AGFG1: variants seen among roughly 807,000 people sequenced by gnomAD.
The protein encoded by AGFG1 is ArfGAP with FG repeats 1, also known as arf-GAP domain and FG repeat-containing protein 1.
A neutral mutation model predicts 60.6 loss-of-function variants in AGFG1; 10 were observed. The ratio of observed to expected loss-of-function variants is 0.16; its 90% CI spans 0.10 to 0.28. The LOEUF (loss-of-function observed/expected upper bound fraction) is 0.28. AGFG1 is among the 10% of genes least tolerant of loss of function. AGFG1 has a pLI of 1.00. For synonymous variants in AGFG1, 247 were observed against 242.9 expected (o/e 1.02, Z -0.16); for missense variants, 537 against 676.5 (o/e 0.79, Z 2.29).
chr2:227,533,481 C>A (rs371821700), intron 6 of AGFG1, 68 bp from the exon 7 acceptor site: 2 of 1,310,724 alleles, frequency 1.5e-6, no homozygotes, highest in Non-Finnish European at 2.2e-6. Flanking sequence ...AAGAAATGAT[C>A]ATACAGTCTA....
rs1209222800 is a variant in AGFG1, at chr2:227,533,686, A to T, written c.952A>T (p.Lys318Ter). 1 of 1,613,772 alleles carries T rather than the reference A, an allele frequency of 6.2e-7. No homozygotes were observed. Among genetic ancestry groups the T allele is most frequent in the Admixed American group, 1.7e-5 (1 of 59,952 alleles). The change falls in exon 7 of 13, where the codon AAA (lysine) becomes TAA (stop). Residue 318 changes from lysine (K) to a stop codon, truncating the protein, a stop_gained. Coordinates refer to ENST00000310078, the MANE Select transcript of AGFG1 (RefSeq NM_004504.5). LOFTEE classifies it high-confidence loss of function. Reference protein sequence around the residue: ...ASAVSKVSTNKAGLQTADKYA... With the variant: ...ASAVSKVSTN The stretch of plus-strand genomic sequence containing the variant: ...AGCTGTTAGTAAAGTTTCAACGAAC[A>T]AAGCTGGTTTACAGACTGCAGACAA...
chr2:227,500,877 C>T (rs1015191467), intron 2 of AGFG1, among the ~76,000 whole-genome samples: 1 of 152,034 alleles, frequency 6.6e-6, no homozygotes, highest in East Asian at 1.9e-4. Context: ...ACTGCAACCA[C>T]TGCCTCCCAG....
At chr2:227,472,872 G>C (rs62189452) in intron 1 of AGFG1, among the ~76,000 whole-genome samples, 7,022 of 151,794 alleles carry the variant, frequency 0.046, 254 homozygotes, top group Middle Eastern at 0.11. Context: ...GGGTCAGGGA[G>C]GGGGCGACCG....
chr2:227,489,234 T>G (rs964432624), intron 1 of AGFG1, among the ~76,000 whole-genome samples: 3 of 142,148 alleles, frequency 2.1e-5, no homozygotes, highest in South Asian at 4.7e-4. Flanking sequence ...TTTTTTTTTT[T>G]TTTTTTTTTT....
intron 10 of AGFG1, 100 bp from the exon 11 acceptor site, chr2:227,551,859 G>A (rs1393151866): frequency 2.8e-6 from 4 of 1,411,866 alleles, no homozygotes; most frequent in Non-Finnish European, 3.9e-6. Context: ...GTACATCTTA[G>A]TATTTTTCAA....
chr2:227,515,454 GA>G (rs1296055419), intron 2 of AGFG1, among the ~76,000 whole-genome samples: 1 of 151,992 alleles, frequency 6.6e-6, no homozygotes, highest in Non-Finnish European at 1.5e-5. Context: ...TCTAATACTG[GA>G]GCCAACAATT....
At chr2:227,497,761 T>TTG (rs546987888) in intron 2 of AGFG1, among the ~76,000 whole-genome samples, 7 of 65,208 alleles carry the variant, frequency 1.1e-4, no homozygotes, top group South Asian at 1.1e-3. Flanking sequence ...TTTTTTTTTT[T>TTG]GGGGACGGAG....
intron 1 of AGFG1, among the ~76,000 whole-genome samples, chr2:227,484,089 A>G (rs949547528): frequency 6.6e-6 from 1 of 152,110 alleles, no homozygotes; most frequent in Non-Finnish European, 1.5e-5. Context: ...TATGGTCACA[A>G]TTGAAATTGT....
At chr2:227,476,647 GA>G (rs1291087573) in intron 1 of AGFG1, among the ~76,000 whole-genome samples, 1 of 152,076 alleles carries the variant, frequency 6.6e-6, no homozygotes, top group African/African-American at 2.4e-5. Flanking sequence ...AATGTTACAA[GA>G]ATTTTAATTT....
chr2:227,545,267 G>A (rs1344838273), intron 10 of AGFG1, among the ~76,000 whole-genome samples: 2 of 152,160 alleles, frequency 1.3e-5, no homozygotes, highest in African/African-American at 4.8e-5. Flanking sequence ...TGAAGCTTGT[G>A]TATGCTTCAC....
chr2:227,557,713 A>T lies in AGFG1; in HGVS notation c.*3218A>T, dbSNP rs1392408027. ...GAACAGGAACATTGTTTTACATTTTATGCATTTAAATCTGGCTTAATAAAA... is the reference window on the plus strand; with the variant it reads ...GAACAGGAACATTGTTTTACATTTTTTGCATTTAAATCTGGCTTAATAAAA... On this transcript the variant is annotated 3_prime_UTR_variant, in exon 13 of 13. Coordinates refer to ENST00000310078, the MANE Select transcript of AGFG1 (RefSeq NM_004504.5). The T allele has an allele frequency of 1.3e-5, 2 of 152,248 alleles. No homozygotes were observed. The highest frequency in any genetic ancestry group is 4.8e-5 in the African/African-American group (2 of 41,474). The allele number at this position is 152,248 out of a possible 1,614,324, so 9.4% of individuals were successfully genotyped here.
chr2:227,550,307 A>G (rs1692781910), intron 10 of AGFG1, among the ~76,000 whole-genome samples: 1 of 152,228 alleles, frequency 6.6e-6, no homozygotes, highest in African/African-American at 2.4e-5. Flanking sequence ...TTATGTGTAA[A>G]TGCTGAAAAG....
At chr2:227,501,569 TTCC>T (rs908547639) in intron 2 of AGFG1, among the ~76,000 whole-genome samples, 1 of 152,168 alleles carries the variant, frequency 6.6e-6, no homozygotes, top group African/African-American at 2.4e-5. Context: ...TGGACACTTC[TTCC>T]TATTCAGTCC....
Position 227,554,573 on chromosome 2 carries a change from T to C in AGFG1, c.*78T>C. 2 of 1,221,784 alleles carry C rather than the reference T, an allele frequency of 1.6e-6. No individual in the cohort carries two copies. The highest frequency in any genetic ancestry group is 2.4e-6 in the Non-Finnish European group (2 of 847,436). 75.7% of individuals were successfully genotyped at this position (1,221,784 alleles called of 1,614,324 possible). On this transcript the variant is annotated 3_prime_UTR_variant, in exon 13 of 13. Transcript: ENST00000310078. ...CTCCACCTCTTGCACTGTTGTCTTG[T>C]TTCACTGATCTTAGCTTTAAACACA...
intron 2 of AGFG1, among the ~76,000 whole-genome samples, chr2:227,504,870 G>T (rs928308900): frequency 6.6e-6 from 1 of 152,162 alleles, no homozygotes; most frequent in Admixed American, 6.5e-5. Context: ...CTTGGTGAGT[G>T]TACAGTGTGT....
chr2:227,478,535 A>G (rs1440871777), intron 1 of AGFG1, among the ~76,000 whole-genome samples: 1 of 152,022 alleles, frequency 6.6e-6, no homozygotes, highest in East Asian at 1.9e-4. Context: ...GGGTTTCGCC[A>G]TGTTGCCCAG....
intron 10 of AGFG1, among the ~76,000 whole-genome samples, chr2:227,540,467 T>C (rs572835604): frequency 4.3e-4 from 65 of 152,190 alleles, no homozygotes; most frequent in Non-Finnish European, 7.3e-4. Flanking sequence ...GTCCTTGCGA[T>C]AGTTTGCTCA....
At chr2:227,473,899 G>A (rs1227873054) in intron 1 of AGFG1, among the ~76,000 whole-genome samples, 1 of 152,144 alleles carries the variant, frequency 6.6e-6, no homozygotes, top group Non-Finnish European at 1.5e-5. Context: ...TAAGGCCCTG[G>A]GGTGTGCCAG....
intron 5 of AGFG1, among the ~76,000 whole-genome samples, chr2:227,525,840 T>A (rs577406201): frequency 2.4e-4 from 36 of 152,226 alleles, no homozygotes; most frequent in Non-Finnish European, 2.4e-4. Context: ...TTTTGGATTG[T>A]GTTTTTATAA....
Sources: gnomAD v4.1 joint callset for allele counts (sites outside exome capture counted in the v4.1 genomes callset) on GRCh38, gnomAD v4.1.1 for gene constraint, MANE v1.5 for transcripts, NCBI Gene and HGNC (gene_info 2026-07-23, HGNC 2026-07-21) for gene names.